The following MAP7D3 variants were observed in gnomAD, a reference collection of about 807,000 sequenced individuals.
The protein encoded by MAP7D3 is MAP7 domain containing 3.
In MAP7D3, 45 loss-of-function variants were observed where a neutral mutation model predicts 62.2. That is an observed-to-expected ratio of 0.72 (90% CI 0.57 to 0.93). MAP7D3 has a LOEUF of 0.93. Among genes scored for constraint, MAP7D3 ranks in the 40% least tolerant of loss-of-function variants. The pLI is 0.00. For missense variants in MAP7D3, 711 were observed against 683.1 expected (o/e 1.04, Z -0.45); for synonymous variants, 288 against 248.8 (o/e 1.16, Z -1.48).
Position 136,225,885 on chromosome X carries a change from T to G in MAP7D3, c.2139+24A>C, listed in dbSNP as rs185831006. ...ACATTGTTTTAAACACAGAATCAAG[T>G]CCCCCCAAACAGAGAGCGAGTACCT... On this transcript the variant is annotated intron_variant, in intron 13 of 18. Coordinates refer to ENST00000316077, the MANE Select transcript of MAP7D3 (RefSeq NM_024597.4). 1.5e-5 allele frequency: 15 copies of G among 994,823 alleles called. No individual in the cohort carries two copies. In the East Asian group the frequency reaches 2.2e-4, roughly 14 times the overall value. 82.0% of individuals were successfully genotyped at this position (994,823 alleles called of 1,213,427 possible).
upstream of MAP7D3, among the ~76,000 whole-genome samples, chrX:136,252,676 C>CAAAAAAAAAAAAAAAAAAAAAAAAAA (rs770751343): frequency 2.8e-5 from 1 of 36,053 alleles, no homozygotes. Flanking sequence ...GACTCTGTCT[C>CAAAAAAAAAAAAAAAAAAAAAAAAAA]AAAAAAAAAA....
downstream of MAP7D3, chrX:136,216,755 T>C (rs2074067724): frequency 8.9e-6 from 1 of 112,141 alleles, no homozygotes; most frequent in Admixed American, 9.5e-5. Context: ...CAACAATTGG[T>C]GTTGCCTTTA....
At chrX:136,234,938 C>T (rs1205173158) in intron 7 of MAP7D3, among the ~76,000 whole-genome samples, 2 of 112,212 alleles carry the variant, frequency 1.8e-5, no homozygotes, top group African/African-American at 6.5e-5. Context: ...CTGCTCTCAA[C>T]AGCAGCTTTC....
intron 6 of MAP7D3, among the ~76,000 whole-genome samples, chrX:136,236,604 C>T (rs762303615): frequency 9.0e-6 from 1 of 111,506 alleles, no homozygotes; most frequent in Admixed American, 9.5e-5. Context: ...TATAAACATA[C>T]AACCCTTTAG....
intron 4 of MAP7D3, among the ~76,000 whole-genome samples, chrX:136,241,703 C>A (rs1278781845): frequency 9.1e-6 from 1 of 110,287 alleles, no homozygotes; most frequent in Non-Finnish European, 1.9e-5. Context: ...ACCTTAAATT[C>A]TTTGTAGAAT....
chrX:136,249,438 C>T (rs1428011972), intron 1 of MAP7D3, among the ~76,000 whole-genome samples: 1 of 112,415 alleles, frequency 8.9e-6, no homozygotes, highest in East Asian at 2.8e-4. Context: ...TAAAACAATT[C>T]TGCATAAAAA....
Position 136,251,392 on chromosome X carries a change from G to T in MAP7D3, c.-34C>A, listed in dbSNP as rs767094339. On this transcript the variant is annotated 5_prime_UTR_variant, in exon 1 of 19. Transcript: ENST00000316077. ...GGACCGGAGGCGGTGGTGGCTCTCC[G>T]CATACATTGCGCAGGCGTCGGCGCG... The T allele has an allele frequency of 4.0e-5, 42 of 1,047,180 alleles. No individual in the cohort carries two copies. Among genetic ancestry groups the T allele is most frequent in the Non-Finnish European group, 5.2e-5 (42 of 814,789 alleles). 86.3% of individuals were successfully genotyped at this position (1,047,180 alleles called of 1,213,427 possible). A position where few individuals can be genotyped will look rare whatever the true frequency, so the allele number is the denominator to read the frequency against.
Position 136,246,237 on chromosome X carries a change from T to C in MAP7D3, c.169+6A>G, listed in dbSNP as rs1383754830. ...GACATCTATCAAAGCATCAGAGAAATTATACCTGGTTTAAATGTCGATCTT... is the reference window on the plus strand; with the variant it reads ...GACATCTATCAAAGCATCAGAGAAACTATACCTGGTTTAAATGTCGATCTT... On this transcript the variant is annotated splice_donor_region_variant and intron_variant, in intron 2 of 18. Transcript: ENST00000316077. 1 of 1,175,710 alleles carries C rather than the reference T, an allele frequency of 8.5e-7. No individual in the cohort carries two copies. Among genetic ancestry groups the C allele is most frequent in the South Asian group, 1.8e-5 (1 of 55,767 alleles).
chrX:136,231,405 T>A, intron 8 of MAP7D3, 139 bp downstream of exon 8: 4 of 502,914 alleles, frequency 8.0e-6, no homozygotes, highest in Non-Finnish European at 1.3e-5. Context: ...TTAAGTGAGT[T>A]AACCTATTTT....
intron 6 of MAP7D3, among the ~76,000 whole-genome samples, chrX:136,238,854 A>C (rs1481133867): frequency 9.0e-6 from 1 of 111,535 alleles, no homozygotes; most frequent in African/African-American, 3.3e-5. Context: ...CTTTTCCATA[A>C]GGTTAACTAC....
intron 3 of MAP7D3, among the ~76,000 whole-genome samples, 179 bp downstream of exon 3, chrX:136,245,881 CAATTT>C (rs1300285263): frequency 9.0e-6 from 1 of 111,592 alleles, no homozygotes; most frequent in Non-Finnish European, 1.9e-5. Context: ...AAAAATTAAA[CAATTT>C]AATCAAAGAA....
At chrX:136,252,676 CAAAA>C (rs770751343), upstream of MAP7D3, among the ~76,000 whole-genome samples, 4 of 36,040 alleles carry the variant, frequency 1.1e-4, no homozygotes, top group Non-Finnish European at 1.8e-4. Context: ...GACTCTGTCT[CAAAA>C]AAAAAAAAAA....
intron 14 of MAP7D3, among the ~76,000 whole-genome samples, chrX:136,222,934 T>C (rs1179378548): frequency 3.6e-5 from 4 of 109,820 alleles, no homozygotes; most frequent in Non-Finnish European, 5.7e-5. Flanking sequence ...CTCAGACTTT[T>C]GGACTCGAGT....
intron 1 of MAP7D3, among the ~76,000 whole-genome samples, chrX:136,247,785 C>G (rs2074464929): frequency 9.0e-6 from 1 of 111,562 alleles, no homozygotes; most frequent in Non-Finnish European, 1.9e-5. Context: ...CCTATATACC[C>G]ACTTGCAACA....
Position 136,236,272 on chromosome X carries a change from AT to A in MAP7D3, c.707del (p.Asp236ValfsTer18). On this transcript the variant is annotated frameshift_variant, in exon 7 of 19. Coordinates refer to ENST00000316077, the MANE Select transcript of MAP7D3 (RefSeq NM_024597.4). LOFTEE classifies it high-confidence loss of function. ...GTGGCTTCCTTTCGGCTTGTTCTTT[AT>A]CAGTAGACGAATGTAGGTTACTATC... ...RRDSNLHSST[D>X]KEQAERKPRV... 1 of 1,194,100 alleles carries A rather than the reference AT, an allele frequency of 8.4e-7. No individual in the cohort carries two copies. The highest frequency in any genetic ancestry group is 1.8e-5 in the South Asian group (1 of 54,410).
rs1368816189 is a variant in MAP7D3 at position 136,230,578 on chromosome X, C to G, written c.1557G>C (p.Lys519Asn). Residue 519 changes from lysine to asparagine, a missense_variant, in exon 10 of 19, where the codon AAG becomes AAC. Lys to Asn is a moderately conservative substitution (Grantham distance 94). Transcript: ENST00000316077. ...SPISTNRQIQKNCPPSPLPLI... is the reference protein window; with the variant it reads ...SPISTNRQIQNNCPPSPLPLI... ...GTGGTAATGGTGATGGAGGGCAGTT[C>G]TTTTGGATTTGCCTGCTGAGAAAAA... The G allele has an allele frequency of 8.5e-7, 1 of 1,183,259 alleles. No individual in the cohort carries two copies. The highest frequency in any genetic ancestry group is 1.8e-5 in the African/African-American group (1 of 57,075).
chrX:136,255,771 C>T (rs549735485), upstream of MAP7D3, among the ~76,000 whole-genome samples: 3 of 111,398 alleles, frequency 2.7e-5, no homozygotes, highest in African/African-American at 9.8e-5. Flanking sequence ...ATTTGGAAAG[C>T]ATGTGTTCCC....
At chrX:136,242,015 G>GAGATCTTCT (rs1434134914) in intron 4 of MAP7D3, among the ~76,000 whole-genome samples, 1 of 110,837 alleles carries the variant, frequency 9.0e-6, no homozygotes, top group African/African-American at 3.3e-5. Context: ...TTTAGGACCA[G>GAGATCTTCT]AGATCTTCTA....
At chrX:136,216,307 T>G (rs2074061152), downstream of MAP7D3, among the ~76,000 whole-genome samples, 1 of 92,035 alleles carries the variant, frequency 1.1e-5, no homozygotes, top group Non-Finnish European at 2.1e-5. Context: ...GGAAGATCAC[T>G]TGAGGCCAGG....
Sources: gnomAD v4.1 joint callset for allele counts (sites outside exome capture counted in the v4.1 genomes callset) on GRCh38, gnomAD v4.1.1 for gene constraint, MANE v1.5 for transcripts, NCBI Gene and HGNC (gene_info 2026-07-23, HGNC 2026-07-21) for gene names.